The following SPOCK3 variants were observed in gnomAD, a reference collection of about 807,000 sequenced individuals.
The protein encoded by SPOCK3 is SPARC (osteonectin), cwcv and kazal like domains proteoglycan 3, also known as testican-3.
Under a neutral mutation model 56.6 loss-of-function variants are expected in SPOCK3, and 30 were observed. That is an observed-to-expected ratio of 0.53 (90% CI 0.40 to 0.72). The LOEUF (loss-of-function observed/expected upper bound fraction) is 0.72, where lower values mean the gene tolerates loss of function less well. SPOCK3 is among the 30% of genes least tolerant of loss of function. SPOCK3 has a pLI of 0.00. For missense variants in SPOCK3, 527 were observed against 530.0 expected (o/e 0.99, Z 0.06); for synonymous variants, 196 against 183.3 (o/e 1.07, Z -0.56).
chr4:166,852,143 G>A (rs1248205099), intron 6 of SPOCK3, among the ~76,000 whole-genome samples: 1 of 151,442 alleles, frequency 6.6e-6, no homozygotes, highest in East Asian at 1.9e-4. Flanking sequence ...TCTGGGAACT[G>A]TTGTGGGTTG....
At chr4:167,178,259 G>A (rs572603895) in intron 2 of SPOCK3, among the ~76,000 whole-genome samples, 8 of 152,252 alleles carry the variant, frequency 5.3e-5, no homozygotes, top group South Asian at 4.1e-4. Context: ...CTGCCTGAAC[G>A]AGTGCCAATG....
At chr4:166,805,289 T>G (rs1381512882) in intron 6 of SPOCK3, among the ~76,000 whole-genome samples, 1 of 152,062 alleles carries the variant, frequency 6.6e-6, no homozygotes, top group East Asian at 1.9e-4. Flanking sequence ...AAAAGAAACT[T>G]TCCTTGAGAT....
intron 6 of SPOCK3, among the ~76,000 whole-genome samples, chr4:166,881,984 A>G (rs1439412703): frequency 6.6e-6 from 1 of 152,150 alleles, no homozygotes; most frequent in Non-Finnish European, 1.5e-5. Flanking sequence ...TATGTGGTAG[A>G]TCATATTTTT....
chr4:166,771,699 G>C (rs1738949985), intron 7 of SPOCK3, among the ~76,000 whole-genome samples: 1 of 151,912 alleles, frequency 6.6e-6, no homozygotes. Context: ...CTTTTATATT[G>C]ATATATGAAT....
intron 7 of SPOCK3, among the ~76,000 whole-genome samples, chr4:166,766,310 T>C (rs1010913587): frequency 1.3e-5 from 2 of 152,182 alleles, no homozygotes; most frequent in Non-Finnish European, 2.9e-5. Context: ...TTCAGTATGA[T>C]ATTGGCTGTT....
At chr4:166,985,613 T>C (rs1329423350) in intron 4 of SPOCK3, among the ~76,000 whole-genome samples, 1 of 152,118 alleles carries the variant, frequency 6.6e-6, no homozygotes. Context: ...TATTACAAAG[T>C]GTCAATATGG....
chr4:167,051,090 T>C (rs973609711), intron 3 of SPOCK3, among the ~76,000 whole-genome samples: 2 of 152,188 alleles, frequency 1.3e-5, no homozygotes, highest in Admixed American at 6.5e-5. Flanking sequence ...TTTTATCTTA[T>C]ATATATTTTA....
intron 4 of SPOCK3, among the ~76,000 whole-genome samples, chr4:166,922,300 A>G (rs1229993438): frequency 1.3e-5 from 2 of 152,120 alleles, no homozygotes; most frequent in Non-Finnish European, 2.9e-5. Context: ...TGGAATTCAG[A>G]ATTTATTTGT....
rs147529449 is a variant in SPOCK3 at position 166,746,171 on chromosome 4, C to A, written c.932-4112G>T. ...ATCTACAGAACTCTTCACCCCAAAT[C>A]AACAGAATATACATTCTTCTCAGAA... is the stretch of plus-strand genomic sequence containing the variant. On this transcript the variant is annotated intron_variant, in intron 8 of 10. Coordinates refer to ENST00000357545, the MANE Select transcript of SPOCK3 (RefSeq NM_001040159.2). Among the ~76,000 whole-genome samples the A allele has an allele frequency of 3.5e-3, 535 of 152,328 alleles. 15 individuals are homozygous for A. The East Asian group carries it at 0.084, about 24-fold the overall frequency.
At chr4:167,088,349 G>T (rs1021525705) in intron 2 of SPOCK3, among the ~76,000 whole-genome samples, 2 of 152,008 alleles carry the variant, frequency 1.3e-5, no homozygotes, top group African/African-American at 4.8e-5. Context: ...ACTGCATTAG[G>T]GTTTTAATCT....
intron 2 of SPOCK3, among the ~76,000 whole-genome samples, chr4:167,122,538 C>T (rs1019688025): frequency 1.3e-5 from 2 of 152,178 alleles, no homozygotes; most frequent in Admixed American, 6.5e-5. Context: ...GGTTACAATA[C>T]CTCAGTGAAC....
intron 6 of SPOCK3, among the ~76,000 whole-genome samples, chr4:166,886,223 C>CAG (rs1734189266): frequency 6.6e-6 from 1 of 151,986 alleles, no homozygotes; most frequent in Non-Finnish European, 1.5e-5. Context: ...ATGTCAATAT[C>CAG]CTTTGAATGA....
chr4:167,184,510 G>T (rs1250800548), intron 2 of SPOCK3, among the ~76,000 whole-genome samples: 11 of 152,080 alleles, frequency 7.2e-5, no homozygotes, highest in African/African-American at 2.7e-4. Flanking sequence ...CACTTTACCA[G>T]AATTAATTCC....
At chr4:166,754,140 T>G in intron 8 of SPOCK3, 4 of 998,590 alleles carry the variant, frequency 4.0e-6, no homozygotes, top group Non-Finnish European at 2.4e-6. Context: ...CTCCACCGTA[T>G]AGTGATAAAA....
At chr4:167,156,045 TAAAAC>T (rs1432763894) in intron 2 of SPOCK3, among the ~76,000 whole-genome samples, 2 of 152,166 alleles carry the variant, frequency 1.3e-5, no homozygotes, top group Non-Finnish European at 2.9e-5. Flanking sequence ...ATAGAAAAGT[TAAAAC>T]AAAACAGATA....
intron 2 of SPOCK3, among the ~76,000 whole-genome samples, chr4:167,233,751 A>G (rs1737425856): frequency 1.3e-5 from 2 of 152,042 alleles, no homozygotes; most frequent in Admixed American, 6.5e-5. Context: ...TGGGGGAGGA[A>G]GAGTGTGAAC....
rs571385483 is a variant in SPOCK3 at position 167,179,591 on chromosome 4, A to G, written c.189+54394T>C. On this transcript the variant is annotated intron_variant, in intron 2 of 10. Transcript: ENST00000357545. ...ATTTATTATGTATGGGTTTCTTACAATCTTAATATAAAAATTTAATGAACA... is the reference window on the plus strand; with the variant it reads ...ATTTATTATGTATGGGTTTCTTACAGTCTTAATATAAAAATTTAATGAACA... Among the ~76,000 whole-genome samples, 3 of 152,252 alleles carry G rather than the reference A, an allele frequency of 2.0e-5. No homozygotes were observed. The South Asian group carries it at 6.2e-4, about 32-fold the overall frequency.
Position 166,889,168 on chromosome 4 carries a change from G to A in SPOCK3, c.551C>T (p.Ser184Leu). 1 of 1,611,584 alleles carries A rather than the reference G, an allele frequency of 6.2e-7. No homozygotes were observed. Among genetic ancestry groups the A allele is most frequent in the Non-Finnish European group, 8.5e-7 (1 of 1,178,462 alleles). Residue 184 changes from serine to leucine, a missense_variant, in exon 6 of 11, where the codon TCA becomes TTA. Transcript: ENST00000357545. ...TCTGCTTGTACTGGTGGGCTTATCT[G>A]AAGGACATGGGCAATGTCCTTCACA... ...VKCEGHCPCPSDKPTSTSRNV... is the reference protein window; with the variant it reads ...VKCEGHCPCPLDKPTSTSRNV...
At chr4:166,841,589 A>G (rs977709815) in intron 6 of SPOCK3, among the ~76,000 whole-genome samples, 14 of 152,216 alleles carry the variant, frequency 9.2e-5, no homozygotes, top group African/African-American at 3.4e-4. Flanking sequence ...ACTAGTTCTT[A>G]TAAATATGGC....
Sources: gnomAD v4.1 joint callset for allele counts (sites outside exome capture counted in the v4.1 genomes callset) on GRCh38, gnomAD v4.1.1 for gene constraint, MANE v1.5 for transcripts, NCBI Gene and HGNC (gene_info 2026-07-23, HGNC 2026-07-21) for gene names.